The following THRA variants were observed in gnomAD, a reference collection of about 807,000 sequenced individuals.
THRA encodes the protein thyroid hormone receptor alpha, also known as EAR-7.
A neutral mutation model predicts 45.0 loss-of-function variants in THRA; 13 were observed. The observed-to-expected ratio is 0.29, with a 90% CI of 0.19 to 0.46. The LOEUF is 0.46. THRA is among the 20% of genes least tolerant of loss of function. The probability of loss-of-function intolerance (pLI) is 1.00; values close to 1 mark genes in which losing one functional copy is unlikely to be tolerated. For missense variants in THRA, 278 were observed against 556.1 expected (o/e 0.50, Z 5.03); for synonymous variants, 195 against 214.0 (o/e 0.91, Z 0.78).
chr17:40,089,965 T>C lies in THRA; in HGVS notation c.*509T>C. On this transcript the variant is annotated 3_prime_UTR_variant, in exon 9 of 9. Coordinates refer to ENST00000450525, the MANE Select transcript of THRA (RefSeq NM_199334.5). This position sits in a 1 kb window ranked among gnomAD's most constrained non-coding sequence, Gnocchi z 6.1. ...TTGGCTCCTCCTCTGGAGGTTAAAA[T>C]TTATAGTCATTCTAACTGCACTTTG... 4 of 990,492 alleles carry C rather than the reference T, an allele frequency of 4.0e-6. No individual in the cohort carries two copies. Among genetic ancestry groups the C allele is most frequent in the Non-Finnish European group, 3.6e-6 (3 of 833,032 alleles). 61.4% of individuals were successfully genotyped at this position (990,492 alleles called of 1,614,324 possible).
chr17:40,073,657 G>T (rs1330751994), intron 1 of THRA, among the ~76,000 whole-genome samples: 2 of 152,098 alleles, frequency 1.3e-5, no homozygotes, highest in African/African-American at 2.4e-5. Flanking sequence ...AACTTGGCTG[G>T]CAGCATGGGA....
intron 5 of THRA, among the ~76,000 whole-genome samples, 187 bp downstream of exon 5, chr17:40,084,169 G>A (rs894579736): frequency 9.2e-5 from 14 of 152,176 alleles, no homozygotes; most frequent in Non-Finnish European, 1.9e-4. Flanking sequence ...CAGGATCCCT[G>A]TGTGGGCCCC....
At chr17:40,093,204 A>G, downstream of THRA, 1 of 1,613,792 alleles carries the variant, frequency 6.2e-7, no homozygotes, top group Non-Finnish European at 8.5e-7. The surrounding 1 kb of genome is among the most constrained non-coding windows in gnomAD (Gnocchi z 5.9). Flanking sequence ...CCGGTTCTTC[A>G]GCACCAGAGC....
chr17:40,092,900 G>T lies in THRA; in HGVS notation c.*3444G>T. On this transcript the variant is annotated 3_prime_UTR_variant, in exon 9 of 9. Transcript: ENST00000450525. ...TAAATAGGGGAGGAGGGGAAGTTCG[G>T]TGATGGGGGAGGGAGGCAGGTATTT... 7.1e-7 allele frequency: 1 copy of T among 1,412,024 alleles called. No individual in the cohort carries two copies. The allele number at this position is 1,412,024 out of a possible 1,614,324, so 87.5% of individuals were successfully genotyped here.
At chr17:40,070,370 A>G (rs1341473267) in intron 1 of THRA, among the ~76,000 whole-genome samples, 4 of 152,162 alleles carry the variant, frequency 2.6e-5, no homozygotes, top group Admixed American at 2.6e-4. Context: ...TGCTCAATCC[A>G]TACCTGAGAA....
At position 40,089,432 on chromosome 17, in the gene THRA, G is replaced by A. The variant is rs1302640890; in HGVS notation, c.1209G>A (p.Glu403=). The A allele has an allele frequency of 1.9e-6, 3 of 1,614,130 alleles. No individual in the cohort carries two copies. In the East Asian group the frequency reaches 6.7e-5, roughly 36 times the overall value. Residue 403 remains glutamate (E), a synonymous_variant, in exon 9 of 9, where the codon GAG becomes GAA. Transcript: ENST00000450525. This position sits in a 1 kb window ranked among gnomAD's most constrained non-coding sequence, Gnocchi z 6.1. ...PTELFPPLFL[E]VFEDQEV ...AACTCTTCCCCCCACTCTTCCTCGA[G>A]GTCTTTGAGGATCAGGAAGTCTAAA...
intron 4 of THRA, among the ~76,000 whole-genome samples, chr17:40,082,357 G>A (rs1001258812): frequency 2.0e-5 from 3 of 151,754 alleles, no homozygotes; most frequent in Non-Finnish European, 4.4e-5. Flanking sequence ...TGGGATTACA[G>A]GCATGTGCCA....
intron 3 of THRA, 59 bp from the exon 4 acceptor site, chr17:40,077,449 G>A (rs1245122632): frequency 1.4e-6 from 2 of 1,474,624 alleles, no homozygotes; most frequent in East Asian, 2.3e-5. Flanking sequence ...AAGTGTGAGA[G>A]CCTCTCTGCT....
rs1987417108 is a variant in THRA, at chr17:40,088,587, C to T, written c.982+87C>T. ...CCTGGGCCTGTTGCTCAACTCCCTC[C>T]TGAATCTTCTTCTGGGCTACCTCTC... On this transcript the variant is annotated intron_variant, in intron 8 of 8. Transcript: ENST00000450525. 2.7e-6 allele frequency: 4 copies of T among 1,496,264 alleles called. No homozygotes were observed. The South Asian group carries it at 3.9e-5, about 14-fold the overall frequency. The allele number at this position is 1,496,264 out of a possible 1,614,324, so 92.7% of individuals were successfully genotyped here.
At chr17:40,081,892 G>A (rs1377475750) in intron 4 of THRA, among the ~76,000 whole-genome samples, 1 of 151,940 alleles carries the variant, frequency 6.6e-6, no homozygotes. Context: ...GTACCTGGGA[G>A]GTGGAGGTTG....
At chr17:40,080,137 C>G (rs539362794) in intron 4 of THRA, among the ~76,000 whole-genome samples, 1 of 151,846 alleles carries the variant, frequency 6.6e-6, no homozygotes. Flanking sequence ...TAGTAGCTCA[C>G]GCCTGTAATC....
chr17:40,080,137 C>T (rs539362794), intron 4 of THRA, among the ~76,000 whole-genome samples: 7 of 151,962 alleles, frequency 4.6e-5, no homozygotes, highest in East Asian at 1.9e-4. Flanking sequence ...TAGTAGCTCA[C>T]GCCTGTAATC....
chr17:40,070,580 C>T (rs1986739545), intron 1 of THRA, among the ~76,000 whole-genome samples: 2 of 152,182 alleles, frequency 1.3e-5, no homozygotes. Context: ...CATGCATGCC[C>T]ATTTATGTGT....
chr17:40,093,177 C>A (rs775618097), downstream of THRA: 3 of 1,613,798 alleles, frequency 1.9e-6, no homozygotes, highest in Non-Finnish European at 2.5e-6. This position sits in a 1 kb window ranked among gnomAD's most constrained non-coding sequence, Gnocchi z 5.9. Flanking sequence ...CTTGGTGAAG[C>A]GGGAAGTCTC....
In THRA at chr17:40,089,808, G is replaced by T. The variant is rs1291377003; in HGVS notation, c.*352G>T. 8.8e-7 allele frequency: 1 copy of T among 1,138,040 alleles called. No homozygotes were observed. Among genetic ancestry groups the T allele is most frequent in the Non-Finnish European group, 1.1e-6 (1 of 920,534 alleles). 70.5% of individuals were successfully genotyped at this position (1,138,040 alleles called of 1,614,324 possible). On this transcript the variant is annotated 3_prime_UTR_variant, in exon 9 of 9. Transcript: ENST00000450525. The surrounding 1 kb of genome is among the most constrained non-coding windows in gnomAD (Gnocchi z 6.1). ...GGGGAAGGAGGAATGTGGGCTGGGGGAAGATGCCCTCAACTCACCCCCTAC... is the reference window on the plus strand; with the variant it reads ...GGGGAAGGAGGAATGTGGGCTGGGGTAAGATGCCCTCAACTCACCCCCTAC...
chr17:40,076,017 A>G (rs1212576092), intron 2 of THRA, among the ~76,000 whole-genome samples: 2 of 152,236 alleles, frequency 1.3e-5, no homozygotes, highest in Admixed American at 1.3e-4. Flanking sequence ...CAATCCTTGC[A>G]TGCATGTAGA....
intron 7 of THRA, 81 bp downstream of exon 7, chr17:40,086,934 T>C (rs1261927757): frequency 6.3e-7 from 1 of 1,575,798 alleles, no homozygotes; most frequent in African/African-American, 1.3e-5. Context: ...CAGGCTCATC[T>C]GAGGTTCTCT....
chr17:40,093,639 G>A (rs1215871037), downstream of THRA: 2 of 667,722 alleles, frequency 3.0e-6, no homozygotes, highest in East Asian at 2.7e-5. This position sits in a 1 kb window ranked among gnomAD's most constrained non-coding sequence, Gnocchi z 5.9. Context: ...TGTCCTTTGA[G>A]GCCCCAACTC....
intron 2 of THRA, among the ~76,000 whole-genome samples, chr17:40,074,744 G>A (rs1402402388): frequency 3.9e-5 from 6 of 152,190 alleles, no homozygotes; most frequent in Admixed American, 2.0e-4. Context: ...ATTTTGAAGC[G>A]GGGAGCGATA....
Sources: allele counts gnomAD v4.1 joint callset (sites outside exome capture counted in the v4.1 genomes callset), GRCh38; gene constraint gnomAD v4.1.1; non-coding constraint Gnocchi (gnomAD v3.1); transcripts MANE v1.5; gene names NCBI Gene and HGNC (gene_info 2026-07-23, HGNC 2026-07-21).